Variants in TAS2R10 observed in about 807,000 individuals in gnomAD.
TAS2R10 encodes taste 2 receptor member 10.
For missense variants in TAS2R10, 385 were observed against 362.0 expected, an observed-to-expected ratio of 1.06 and a Z score of -0.52; for synonymous variants, 144 against 126.6, an observed-to-expected ratio of 1.14 and a Z score of -0.92.
At chr12:10,825,256 AC>A (rs1307489001), downstream of TAS2R10, 76 of 988,326 alleles carry the variant, frequency 7.7e-5, no homozygotes, top group East Asian at 1.9e-3. Context: ...AGTTAAAAAG[AC>A]AATGCAAGAA....
In TAS2R10 at chr12:10,825,868, T is replaced by C. The variant is rs749295084; in HGVS notation, c.402A>G (p.Val134=). ...TAAGTAACGATGAAATAAGTAAGAATACTATCATGAAGGGAAGAACCATAT... is the reference window on the plus strand; with the variant it reads ...TAAGTAACGATGAAATAAGTAAGAACACTATCATGAAGGGAAGAACCATAT... The change falls in exon 1 of 1, where the codon GTA becomes GTG. Residue 134 remains valine (V), a synonymous_variant. Transcript: ENST00000240619. 5.6e-6 allele frequency: 9 copies of C among 1,612,976 alleles called. No homozygotes were observed. In the Admixed American group the frequency reaches 1.5e-4, roughly 27 times the overall value.
At chr12:10,826,348 C>A in exon 1 of TAS2R10, 11 of 1,024,774 alleles carry the variant, frequency 1.1e-5, no homozygotes, top group South Asian at 1.8e-5. Flanking sequence ...ATTGGCTGCT[C>A]GACGGAAGTG....
exon 1 of TAS2R10, chr12:10,826,058 G>C: frequency 6.2e-7 from 1 of 1,612,898 alleles, no homozygotes. Context: ...TATATTTGGA[G>C]AGAATATCTG....
At chr12:10,825,583 C>A in exon 1 of TAS2R10, 2 of 1,613,488 alleles carry the variant, frequency 1.2e-6, no homozygotes, top group Non-Finnish European at 8.5e-7. Flanking sequence ...TGAAAGATAT[C>A]AAAACTTTCA....
At position 10,826,058 on chromosome 12, in the gene TAS2R10, G is replaced by A. The variant is rs2135725375; in HGVS notation, c.212C>T (p.Ser71Phe). ...GTTACCGGAGGCATATATATTTGGA[G>A]AGAATATCTGTATAAATCCATCTGT... The change falls in exon 1 of 1, where the codon TCT becomes TTT. Residue 71 changes from serine to phenylalanine, a missense_variant. Ser to Phe is a radical substitution (Grantham distance 155). Transcript: ENST00000240619. 6.2e-7 allele frequency: 1 copy of A among 1,612,898 alleles called. No homozygotes were observed. The highest frequency in any genetic ancestry group is 1.3e-5 in the African/African-American group (1 of 74,986).
chr12:10,825,351 T>G (rs759383575), exon 1 of TAS2R10: 1 of 1,606,934 alleles, frequency 6.2e-7, no homozygotes, highest in Admixed American at 1.7e-5. Context: ...GGTGTCTATG[T>G]GACTCTGAGA....
chr12:10,826,046 T>C (rs1453307477), exon 1 of TAS2R10: 1 of 1,612,996 alleles, frequency 6.2e-7, no homozygotes, highest in Non-Finnish European at 8.5e-7. Flanking sequence ...ACCGGAGGCA[T>C]ATATATTTGG....
exon 1 of TAS2R10, chr12:10,825,356 C>G (rs917462746): frequency 8.7e-6 from 14 of 1,607,994 alleles, no homozygotes; most frequent in Non-Finnish European, 1.1e-5. Flanking sequence ...CTATGTGACT[C>G]TGAGATTTTT....
chr12:10,826,255 C>T, exon 1 of TAS2R10: 4 of 1,607,814 alleles, frequency 2.5e-6, no homozygotes, highest in Non-Finnish European at 3.4e-6. Context: ...AGATGCCTTC[C>T]ACTACACGTA....
At chr12:10,825,717 A>T in exon 1 of TAS2R10, 1 of 1,613,612 alleles carries the variant, frequency 6.2e-7, no homozygotes, top group East Asian at 2.2e-5. Flanking sequence ...AGTGTAAAGA[A>T]GAAAATGACT....
chr12:10,825,894 T>C lies in TAS2R10; in HGVS notation c.376A>G (p.Asn126Asp), dbSNP rs771399977. 6.2e-6 allele frequency: 10 copies of C among 1,613,510 alleles called. No individual in the cohort carries two copies. The South Asian group carries it at 1.1e-4, about 18-fold the overall frequency. ...ACTATCATGAAGGGAAGAACCATAT[T>C]TGTTCTGCTCTTCAACCAGAGAAAT... is the stretch of plus-strand genomic sequence containing the variant. The change falls in exon 1 of 1, where the codon AAT becomes GAT. Residue 126 changes from asparagine to aspartate, a missense_variant. Coordinates refer to ENST00000240619, the Ensembl canonical transcript of TAS2R10.
exon 1 of TAS2R10, chr12:10,825,624 C>T: frequency 6.2e-7 from 1 of 1,613,748 alleles, no homozygotes; most frequent in Non-Finnish European, 8.5e-7. Flanking sequence ...GTGTTGGAGT[C>T]TCTCAATCCT....
chr12:10,825,510 C>A, the TAS2R10 span: 2 of 1,613,494 alleles, frequency 1.2e-6, no homozygotes, highest in Non-Finnish European at 1.7e-6. Flanking sequence ...AGTTTGTTTT[C>A]TCGCACAGTA....
exon 1 of TAS2R10, chr12:10,825,774 T>C (rs918900298): frequency 1.2e-6 from 2 of 1,613,428 alleles, no homozygotes; most frequent in South Asian, 2.2e-5. Context: ...CTTTTATACA[T>C]GTTGAGATCC....
Sources: gnomAD v4.1 joint callset for allele counts on GRCh38, gnomAD v4.1.1 for gene constraint, MANE v1.5 for transcripts, NCBI Gene and HGNC (gene_info 2026-07-23, HGNC 2026-07-21) for gene names.